Variants in PCDHA8 observed in about 807,000 individuals in gnomAD.
PCDHA8 encodes protocadherin alpha 8, also known as protocadherin alpha-8.
In PCDHA8, 53 loss-of-function variants were observed where a neutral mutation model predicts 61.8. That is an observed-to-expected ratio of 0.86 (90% CI 0.69 to 1.08). The LOEUF (loss-of-function observed/expected upper bound fraction) is 1.08, where lower values mean the gene tolerates loss of function less well. Ranked by LOEUF, PCDHA8 falls within the 50% of genes least tolerant of loss-of-function variation. The pLI is 0.00. For synonymous variants in PCDHA8, 618 were observed against 556.6 expected, an observed-to-expected ratio of 1.11 and a Z score of -1.55; for missense variants, 1,293 against 1,245.0, an observed-to-expected ratio of 1.04 and a Z score of -0.58.
chr5:140,893,040 C>A (rs1554185508), intron 1 of PCDHA8, among the ~76,000 whole-genome samples: 1 of 152,226 alleles, frequency 6.6e-6, no homozygotes, highest in African/African-American at 2.4e-5. Flanking sequence ...AACATATGCC[C>A]TCCAGGCTCA....
chr5:140,966,968 G>C, intron 1 of PCDHA8: 2 of 1,602,616 alleles, frequency 1.2e-6, no homozygotes, highest in Non-Finnish European at 1.7e-6. Context: ...GCTGGGGCTT[G>C]AGCTGCGGCG....
intron 1 of PCDHA8, among the ~76,000 whole-genome samples, chr5:140,899,418 C>T (rs552409062): frequency 1.3e-5 from 2 of 152,254 alleles, no homozygotes; most frequent in African/African-American, 4.8e-5. Context: ...TGAATTTTGT[C>T]AAAGGTCTTT....
At chr5:140,885,016 T>C (rs1554181958) in intron 1 of PCDHA8, among the ~76,000 whole-genome samples, 1 of 152,244 alleles carries the variant, frequency 6.6e-6, no homozygotes. Flanking sequence ...CTAATCGTAA[T>C]CTTAAATTTA....
At chr5:141,003,046 A>C (rs530303478) in intron 3 of PCDHA8, among the ~76,000 whole-genome samples, 76 of 152,356 alleles carry the variant, frequency 5.0e-4, no homozygotes, top group African/African-American at 1.8e-3. Context: ...TCCTGGCCTT[A>C]ACAGAACAGT....
chr5:140,937,148 C>T (rs1400872734), intron 1 of PCDHA8, among the ~76,000 whole-genome samples: 6 of 151,842 alleles, frequency 4.0e-5, no homozygotes, highest in Non-Finnish European at 8.8e-5. Flanking sequence ...TGCCATTCTC[C>T]TGCCTCAGCC....
In PCDHA8 at chr5:141,009,951, A is replaced by G. The variant is rs2303646; in HGVS notation, c.*14A>G. On this transcript the variant is annotated 3_prime_UTR_variant, in exon 4 of 4. Coordinates refer to ENST00000531613, the MANE Select transcript of PCDHA8 (RefSeq NM_018911.3). ...AGTGACCAGTGAGGTCCTCAAATGGAAACAAGCCACTTAGCCAGTTTTTGT... is the reference window on the plus strand; with the variant it reads ...AGTGACCAGTGAGGTCCTCAAATGGGAACAAGCCACTTAGCCAGTTTTTGT... 5,767 of 1,593,458 alleles carry G rather than the reference A, an allele frequency of 3.6e-3. 231 individuals are homozygous for G. In the East Asian group the frequency reaches 0.095, roughly 26 times the overall value.
At chr5:140,996,087 G>C (rs1178912945) in intron 3 of PCDHA8, among the ~76,000 whole-genome samples, 3 of 152,200 alleles carry the variant, frequency 2.0e-5, no homozygotes, top group Non-Finnish European at 4.4e-5. Flanking sequence ...GTTTTTGCTA[G>C]ATTACATGGA....
chr5:141,002,246 C>G (rs1217451636), intron 3 of PCDHA8, among the ~76,000 whole-genome samples: 1 of 152,190 alleles, frequency 6.6e-6, no homozygotes, highest in Non-Finnish European at 1.5e-5. Flanking sequence ...CTTTATTAAC[C>G]TCAGCACTGA....
rs782525734 is a variant in PCDHA8 at position 140,884,093 on chromosome 5, T to A, written c.2394+40378T>A. 3.1e-6 allele frequency: 5 copies of A among 1,613,500 alleles called. No homozygotes were observed. In the Admixed American group the frequency reaches 8.3e-5, roughly 27 times the overall value. ...TTCGGGCTACAATGCGTGGCTTTCGTATGAATTGCAGCTGGCGGCGGTCGG... is the reference window on the plus strand; with the variant it reads ...TTCGGGCTACAATGCGTGGCTTTCGAATGAATTGCAGCTGGCGGCGGTCGG... On this transcript the variant is annotated intron_variant, in intron 1 of 3. Coordinates refer to ENST00000531613, the MANE Select transcript of PCDHA8 (RefSeq NM_018911.3).
At chr5:140,856,935 A>T in intron 1 of PCDHA8, 1 of 1,594,236 alleles carries the variant, frequency 6.3e-7, no homozygotes, top group Non-Finnish European at 8.6e-7. Context: ...TGGATAAACG[A>T]AAGGACGGGA....
At chr5:140,898,408 G>A (rs1189859035) in intron 1 of PCDHA8, among the ~76,000 whole-genome samples, 7 of 152,096 alleles carry the variant, frequency 4.6e-5, no homozygotes, top group African/African-American at 9.7e-5. Flanking sequence ...TTCTACATAC[G>A]GCTAGCCAGT....
At chr5:141,000,361 G>GTC (rs148596731) in intron 3 of PCDHA8, among the ~76,000 whole-genome samples, 441 of 26,430 alleles carry the variant, frequency 0.017, 8 homozygotes, top group Non-Finnish European at 0.02. Flanking sequence ...GTCTCTCTCT[G>GTC]TCTCTCTCTC....
At chr5:140,941,167 A>G (rs1352007891) in intron 1 of PCDHA8, among the ~76,000 whole-genome samples, 2 of 144,982 alleles carry the variant, frequency 1.4e-5, no homozygotes, top group Non-Finnish European at 3.1e-5. Flanking sequence ...AAGACTCCCC[A>G]TCTTGAACAT....
chr5:140,967,276 G>C, intron 1 of PCDHA8: 2 of 1,613,398 alleles, frequency 1.2e-6, no homozygotes. Context: ...TTCACATAGA[G>C]AGTGCGCAGG....
chr5:140,969,704 T>A (rs1317094729), intron 1 of PCDHA8, among the ~76,000 whole-genome samples: 2 of 152,172 alleles, frequency 1.3e-5, no homozygotes, highest in African/African-American at 4.8e-5. Context: ...TGCTGTATCA[T>A]CTACAGGGAA....
intron 1 of PCDHA8, among the ~76,000 whole-genome samples, chr5:140,902,200 TTTC>T (rs1318376699): frequency 6.9e-6 from 1 of 144,634 alleles, no homozygotes; most frequent in African/African-American, 2.7e-5. Flanking sequence ...TCTCTCTCTC[TTTC>T]TTTTTTTTTT....
At position 140,871,191 on chromosome 5, in the gene PCDHA8, C is replaced by A. The variant is rs370303558; in HGVS notation, c.2394+27476C>A. The A allele has an allele frequency of 2.4e-5, 38 of 1,613,538 alleles. No individual in the cohort carries two copies. The African/African-American group carries it at 4.4e-4, about 19-fold the overall frequency. ...CAGAGGCTGCGCTGGTGGATGTCAA[C>A]GTGTACCTGATCATCGCCATCTGCG... On this transcript the variant is annotated intron_variant, in intron 1 of 3. Transcript: ENST00000531613.
At chr5:140,901,022 A>G (rs2068415143) in intron 1 of PCDHA8, among the ~76,000 whole-genome samples, 1 of 152,166 alleles carries the variant, frequency 6.6e-6, no homozygotes, top group Non-Finnish European at 1.5e-5. Flanking sequence ...AGAAACATCT[A>G]TTCAACTCTT....
At chr5:140,918,129 T>C (rs1299993749) in intron 1 of PCDHA8, among the ~76,000 whole-genome samples, 2 of 152,198 alleles carry the variant, frequency 1.3e-5, no homozygotes, top group African/African-American at 2.4e-5. Flanking sequence ...GCCATATTCC[T>C]AGGTATTTTC....
Sources: gnomAD v4.1 joint callset for allele counts (sites outside exome capture counted in the v4.1 genomes callset) on GRCh38, gnomAD v4.1.1 for gene constraint, MANE v1.5 for transcripts, NCBI Gene and HGNC (gene_info 2026-07-23, HGNC 2026-07-21) for gene names.